Variants in PCDH15 observed in about 807,000 individuals in gnomAD.
PCDH15 encodes the protein protocadherin related 15, also known as protocadherin-15.
PCDH15 carries 129 observed loss-of-function variants against 178.5 expected under a neutral mutation model. That is an observed-to-expected ratio of 0.72 (90% CI 0.63 to 0.84). The LOEUF (loss-of-function observed/expected upper bound fraction) is 0.84, where lower values mean the gene tolerates loss of function less well. Among genes scored for constraint, PCDH15 ranks in the 40% least tolerant of loss-of-function variants. PCDH15 has a pLI of 0.00. For synonymous variants in PCDH15, 800 were observed against 732.0 expected (o/e 1.09, Z -1.50); for missense variants, 2,230 against 2,099.9 (o/e 1.06, Z -1.21).
chr10:55,483,118 A>C (rs768798912), intron 2 of PCDH15, among the ~76,000 whole-genome samples: 2 of 151,902 alleles, frequency 1.3e-5, no homozygotes, highest in African/African-American at 2.4e-5. Context: ...AATTGTTAAC[A>C]AAAGAAAAAT....
intron 2 of PCDH15, among the ~76,000 whole-genome samples, chr10:55,544,139 C>CATATATATATATATATATAT (rs1176456895): frequency 1.8e-3 from 97 of 54,206 alleles, no homozygotes; most frequent in Non-Finnish European, 2.4e-3. Context: ...CTTATACATA[C>CATATATATATATATATATAT]ATATATATAT....
At chr10:54,054,915 A>G (rs2093853067) in intron 18 of PCDH15, among the ~76,000 whole-genome samples, 1 of 152,160 alleles carries the variant, frequency 6.6e-6, no homozygotes, top group African/African-American at 2.4e-5. Flanking sequence ...CCCACTTAAA[A>G]AAGAATTATT....
chr10:55,131,475 T>C (rs1298661116), intron 2 of PCDH15, among the ~76,000 whole-genome samples: 1 of 152,168 alleles, frequency 6.6e-6, no homozygotes, highest in Non-Finnish European at 1.5e-5. Context: ...GGTGGAGGTA[T>C]GTTTCAGCCC....
intron 1 of PCDH15, among the ~76,000 whole-genome samples, chr10:55,269,746 T>A (rs1434803937): frequency 6.6e-6 from 1 of 152,122 alleles, no homozygotes; most frequent in Admixed American, 6.6e-5. Context: ...CCTATCAAAC[T>A]ACCAATATCA....
chr10:55,404,655 T>C (rs1489109135), intron 2 of PCDH15, among the ~76,000 whole-genome samples: 1 of 151,940 alleles, frequency 6.6e-6, no homozygotes, highest in Non-Finnish European at 1.5e-5. Flanking sequence ...ATGGCAAATA[T>C]CTGGCGAATG....
At chr10:55,422,792 A>G (rs1248895329) in intron 2 of PCDH15, among the ~76,000 whole-genome samples, 1 of 151,874 alleles carries the variant, frequency 6.6e-6, no homozygotes, top group Non-Finnish European at 1.5e-5. Context: ...TCAGCATATA[A>G]TGTGTTCCAA....
intron 1 of PCDH15, among the ~76,000 whole-genome samples, chr10:54,790,659 C>A (rs1191016506): frequency 6.6e-6 from 1 of 151,852 alleles, no homozygotes; most frequent in Non-Finnish European, 1.5e-5. Context: ...TCCACCCACA[C>A]AGAGATACAT....
At chr10:54,743,333 G>A (rs761139654) in intron 1 of PCDH15, among the ~76,000 whole-genome samples, 1 of 151,932 alleles carries the variant, frequency 6.6e-6, no homozygotes, top group Non-Finnish European at 1.5e-5. Context: ...TAAGGAGAAG[G>A]TATAGTAGTA....
At chr10:55,328,264 C>T (rs2132307159) in intron 2 of PCDH15, among the ~76,000 whole-genome samples, 1 of 151,770 alleles carries the variant, frequency 6.6e-6, no homozygotes, top group African/African-American at 2.4e-5. Context: ...TCATTCATTG[C>T]TTAATAATGG....
At chr10:54,589,790 C>T (rs576577098) in intron 2 of PCDH15, among the ~76,000 whole-genome samples, 4 of 152,106 alleles carry the variant, frequency 2.6e-5, no homozygotes, top group African/African-American at 9.6e-5. Flanking sequence ...TAGAGACGGG[C>T]TTTCACTATG....
In PCDH15 at chr10:54,400,534, TATTAA is replaced by T. The variant is rs202242502; in HGVS notation, c.158-21597_158-21593del. ...GATGGTTATAAAAGTCATCTGTCATTATTAAATTAAATTTTGAGTCAATATATATT... is the reference window on the plus strand; with the variant it reads ...GATGGTTATAAAAGTCATCTGTCATTATTAAATTTTGAGTCAATATATATT... On this transcript the variant is annotated intron_variant, in intron 3 of 37. Transcript: ENST00000644397. Among the ~76,000 whole-genome samples the T allele has an allele frequency of 7.6e-3, 1,162 of 152,198 alleles. 13 individuals are homozygous for T. The highest frequency in any genetic ancestry group is 0.026 in the African/African-American group (1,092 of 41,566).
chr10:54,420,944 T>G (rs537995530), intron 3 of PCDH15, among the ~76,000 whole-genome samples: 1 of 152,126 alleles, frequency 6.6e-6, no homozygotes, highest in Non-Finnish European at 1.5e-5. Flanking sequence ...AATGTGATCA[T>G]TGGTAGAGAT....
chr10:55,588,765 C>A (rs1842776460), intron 2 of PCDH15, among the ~76,000 whole-genome samples: 1 of 151,982 alleles, frequency 6.6e-6, no homozygotes, highest in South Asian at 2.1e-4. Flanking sequence ...TTTGCTCTAG[C>A]AACACTATGA....
At chr10:55,187,398 C>A (rs534478804) in intron 1 of PCDH15, among the ~76,000 whole-genome samples, 1 of 151,832 alleles carries the variant, frequency 6.6e-6, no homozygotes, top group Non-Finnish European at 1.5e-5. Flanking sequence ...GAGTTGTATT[C>A]GAATGTAAAC....
At chr10:55,317,610 A>C (rs1843758816) in intron 1 of PCDH15, among the ~76,000 whole-genome samples, 1 of 152,162 alleles carries the variant, frequency 6.6e-6, no homozygotes, top group African/African-American at 2.4e-5. Flanking sequence ...TTAACATGAA[A>C]AGCTGAACAT....
chr10:54,370,272 T>C (rs1338746606), intron 4 of PCDH15, among the ~76,000 whole-genome samples: 1 of 151,930 alleles, frequency 6.6e-6, no homozygotes, highest in Admixed American at 6.6e-5. Context: ...AAATATGTCA[T>C]TTTTGCAGTG....
chr10:54,404,988 A>T (rs1029565351), intron 3 of PCDH15, among the ~76,000 whole-genome samples: 1 of 152,110 alleles, frequency 6.6e-6, no homozygotes, highest in Non-Finnish European at 1.5e-5. Flanking sequence ...TACAATTAAA[A>T]AAGTCAAAAA....
At chr10:55,093,691 A>G (rs965510842) in intron 2 of PCDH15, among the ~76,000 whole-genome samples, 1 of 152,160 alleles carries the variant, frequency 6.6e-6, no homozygotes, top group African/African-American at 2.4e-5. Context: ...CAACAAATTT[A>G]CAAGAAAAAA....
rs1371597014 is a variant in PCDH15 at position 55,590,143 on chromosome 10, A to G, written c.-156+37482T>C. 1.3e-5 allele frequency among the ~76,000 whole-genome samples: 2 copies of G among 151,880 alleles called. 1 individual carries two copies. The highest frequency in any genetic ancestry group is 4.8e-5 in the African/African-American group (2 of 41,350). On this transcript the variant is annotated intron_variant, in intron 2 of 5. Transcript: ENST00000613346. ...GAATACTATGCAGCCATAAAAAAGG[A>G]TGAGTTCATGTCCTTTATAGGGACA...
Sources: gnomAD v4.1 joint callset for allele counts (sites outside exome capture counted in the v4.1 genomes callset) on GRCh38, gnomAD v4.1.1 for gene constraint, MANE v1.5 for transcripts, NCBI Gene and HGNC (gene_info 2026-07-23, HGNC 2026-07-21) for gene names.